Variants in GRIN3A observed in about 807,000 individuals in gnomAD.
GRIN3A encodes the protein glutamate receptor ionotropic, NMDA 3A.
In GRIN3A, 47 loss-of-function variants were observed where a neutral mutation model predicts 92.4. The ratio of observed to expected loss-of-function variants is 0.51; its 90% CI spans 0.40 to 0.65. GRIN3A has a LOEUF of 0.65. Ranked by LOEUF, GRIN3A falls within the 30% of genes least tolerant of loss-of-function variation. GRIN3A has a pLI of 0.00. For missense variants in GRIN3A, 1,324 were observed against 1,393.1 expected, an observed-to-expected ratio of 0.95 and a Z score of 0.79; for synonymous variants, 527 against 540.6, an observed-to-expected ratio of 0.97 and a Z score of 0.35.
intron 1 of GRIN3A, among the ~76,000 whole-genome samples, chr9:101,731,439 A>G (rs1830138796): frequency 6.6e-6 from 1 of 152,216 alleles, no homozygotes; most frequent in Admixed American, 6.5e-5. Context: ...GCAAAAATAT[A>G]ATATGATTAA....
chr9:101,650,343 A>G (rs1463587668), intron 3 of GRIN3A, among the ~76,000 whole-genome samples: 1 of 152,028 alleles, frequency 6.6e-6, no homozygotes, highest in Non-Finnish European at 1.5e-5. Context: ...ACTTGCTAGT[A>G]GTCACTGGAG....
intron 4 of GRIN3A, among the ~76,000 whole-genome samples, chr9:101,624,390 A>G (rs1210989845): frequency 2.1e-5 from 2 of 95,156 alleles, no homozygotes; most frequent in Non-Finnish European, 4.0e-5. Flanking sequence ...CCACCCCACA[A>G]CAGTCCCCAG....
At chr9:101,703,800 G>A (rs1829781199) in intron 1 of GRIN3A, among the ~76,000 whole-genome samples, 1 of 152,006 alleles carries the variant, frequency 6.6e-6, no homozygotes, top group African/African-American at 2.4e-5. Context: ...GTTACTCTGG[G>A]GTTTATTATT....
At chr9:101,603,916 C>T (rs1828241717) in intron 6 of GRIN3A, among the ~76,000 whole-genome samples, 1 of 152,236 alleles carries the variant, frequency 6.6e-6, no homozygotes, top group African/African-American at 2.4e-5. Context: ...GCTTTGATTC[C>T]TTCTAGCTCT....
intron 1 of GRIN3A, among the ~76,000 whole-genome samples, chr9:101,717,650 G>A (rs868354183): frequency 2.0e-5 from 3 of 152,302 alleles, no homozygotes; most frequent in African/African-American, 7.2e-5. Flanking sequence ...TCTCACTGAT[G>A]ATTATTTCCA....
At chr9:101,604,030 T>C (rs1251030539) in intron 6 of GRIN3A, among the ~76,000 whole-genome samples, 2 of 152,230 alleles carry the variant, frequency 1.3e-5, no homozygotes, top group African/African-American at 4.8e-5. Flanking sequence ...CACAAGTCTC[T>C]CTTGAGCTCC....
At chr9:101,611,325 C>T (rs1254275995) in intron 6 of GRIN3A, among the ~76,000 whole-genome samples, 2 of 152,072 alleles carry the variant, frequency 1.3e-5, no homozygotes, top group Non-Finnish European at 2.9e-5. Flanking sequence ...TTTGTTGTCA[C>T]GTGGACTTTT....
At chr9:101,622,325 G>A (rs62577421) in intron 5 of GRIN3A, among the ~76,000 whole-genome samples, 22,491 of 152,170 alleles carry the variant, frequency 0.15, 2,367 homozygotes, top group African/African-American at 0.3. Context: ...GCACCCCCAC[G>A]GGATTGTTTT....
intron 1 of GRIN3A, among the ~76,000 whole-genome samples, chr9:101,732,317 A>G (rs4743485): frequency 6.6e-6 from 1 of 152,044 alleles, no homozygotes; most frequent in Non-Finnish European, 1.5e-5. Flanking sequence ...TAGACTCTGT[A>G]TGGTCATAAT....
In GRIN3A at chr9:101,688,454, A is replaced by C. The variant is rs567313818; in HGVS notation, c.700-1254T>G. On this transcript the variant is annotated intron_variant, in intron 1 of 8. Transcript: ENST00000361820. ...TGAGAATTTGTCTTTTGTCTTTCCAAATTAAGCTTTTGAGCAAAGCTTGTA... is the reference window on the plus strand; with the variant it reads ...TGAGAATTTGTCTTTTGTCTTTCCACATTAAGCTTTTGAGCAAAGCTTGTA... 2.0e-5 allele frequency among the ~76,000 whole-genome samples: 3 copies of C among 152,306 alleles called. No homozygotes were observed. The South Asian group carries it at 6.2e-4, about 32-fold the overall frequency.
At chr9:101,729,894 A>G (rs1373661756) in intron 1 of GRIN3A, among the ~76,000 whole-genome samples, 2 of 152,148 alleles carry the variant, frequency 1.3e-5, no homozygotes, top group African/African-American at 2.4e-5. Flanking sequence ...CTAAAGACCT[A>G]TGCAGCAGGG....
chr9:101,596,961 G>C (rs999708249), intron 6 of GRIN3A, among the ~76,000 whole-genome samples: 5 of 152,176 alleles, frequency 3.3e-5, no homozygotes, highest in African/African-American at 9.6e-5. Context: ...AACCAAGTAC[G>C]GGACCTTATG....
chr9:101,628,635 T>A (rs529260369), intron 3 of GRIN3A, among the ~76,000 whole-genome samples: 1 of 152,300 alleles, frequency 6.6e-6, no homozygotes, highest in Non-Finnish European at 1.5e-5. Context: ...CAAAACAATT[T>A]TTTTTGCTTT....
At chr9:101,686,548 C>T (rs1333122930) in intron 2 of GRIN3A, 48 bp downstream of exon 2, 25 of 1,608,418 alleles carry the variant, frequency 1.6e-5, no homozygotes, top group Non-Finnish European at 2.0e-5. Context: ...ATTTTACTCT[C>T]TGTCATGGCC....
At position 101,570,459 on chromosome 9, in the gene GRIN3A, T is replaced by G. The variant is rs1334113033; in HGVS notation, c.*2715A>C. The G allele has an allele frequency of 1.3e-5, 2 of 152,676 alleles. No individual in the cohort carries two copies. Among genetic ancestry groups the G allele is most frequent in the Non-Finnish European group, 2.9e-5 (2 of 68,050 alleles). The allele number at this position is 152,676 out of a possible 1,614,324, so 9.5% of individuals were successfully genotyped here. A position where few individuals can be genotyped will look rare whatever the true frequency, so the allele number is the denominator to read the frequency against. ...CTGTTTCACAAATTGCAAAACACTG[T>G]TCAGTTACTACCAATAAAAATAACC... is the stretch of plus-strand genomic sequence containing the variant. On this transcript the variant is annotated 3_prime_UTR_variant, in exon 9 of 9. Transcript: ENST00000361820.
At chr9:101,656,324 C>T (rs1747865667) in intron 3 of GRIN3A, among the ~76,000 whole-genome samples, 1 of 151,996 alleles carries the variant, frequency 6.6e-6, no homozygotes, top group Admixed American at 6.6e-5. Context: ...TTGTAGCTGG[C>T]AAGCTAGGAC....
chr9:101,704,059 A>T (rs926926657), intron 1 of GRIN3A, among the ~76,000 whole-genome samples: 13 of 152,350 alleles, frequency 8.5e-5, no homozygotes, highest in Non-Finnish European at 1.9e-4. Context: ...ATGGCAAACA[A>T]CGGTATTTAC....
chr9:101,699,701 A>C (rs866546718), intron 1 of GRIN3A, among the ~76,000 whole-genome samples: 1 of 152,186 alleles, frequency 6.6e-6, no homozygotes, highest in African/African-American at 2.4e-5. Context: ...CCATCACAGC[A>C]GACTGTTATA....
rs1427854576 is a variant in GRIN3A, at chr9:101,569,416, CA to C, written c.*3757del. On this transcript the variant is annotated 3_prime_UTR_variant, in exon 9 of 9. Coordinates refer to ENST00000361820, the MANE Select transcript of GRIN3A (RefSeq NM_133445.3). The stretch of plus-strand genomic sequence containing the variant: ...ACTGAAGATGGAAAAGACCTGAGGA[CA>C]TCTAATCCATCCATGTGGTTGTACA... The C allele has an allele frequency of 6.6e-6, 1 of 152,170 alleles. No individual in the cohort carries two copies. Among genetic ancestry groups the C allele is most frequent in the African/African-American group, 2.4e-5 (1 of 41,436 alleles). 9.4% of individuals were successfully genotyped at this position (152,170 alleles called of 1,614,324 possible).
Sources: gnomAD v4.1 joint callset for allele counts (sites outside exome capture counted in the v4.1 genomes callset) on GRCh38, gnomAD v4.1.1 for gene constraint, MANE v1.5 for transcripts, NCBI Gene and HGNC (gene_info 2026-07-23, HGNC 2026-07-21) for gene names.